SYTL5: variants seen among roughly 807,000 people sequenced by gnomAD.
The protein encoded by SYTL5 is synaptotagmin-like protein 5.
In SYTL5, 34 loss-of-function variants were observed where a neutral mutation model predicts 55.9. The observed-to-expected ratio is 0.61, with a 90% CI of 0.46 to 0.81. SYTL5 has a LOEUF of 0.81. Among genes scored for constraint, SYTL5 ranks in the 30% least tolerant of loss-of-function variants. The pLI, the probability that SYTL5 is intolerant of heterozygous loss-of-function variation, is 0.00. For synonymous variants in SYTL5, 221 were observed against 188.7 expected, an observed-to-expected ratio of 1.17 and a Z score of -1.40; for missense variants, 637 against 546.7, an observed-to-expected ratio of 1.17 and a Z score of -1.65.
the SYTL5 span, among the ~76,000 whole-genome samples, chrX:37,888,993 C>T: frequency 9.1e-6 from 1 of 109,778 alleles, no homozygotes; most frequent in Non-Finnish European, 1.9e-5. Context: ...AACTTTATTG[C>T]AAAAATTGTG....
intron 6 of SYTL5, among the ~76,000 whole-genome samples, chrX:38,087,033 A>G (rs1257511218): frequency 9.0e-6 from 1 of 111,406 alleles, no homozygotes; most frequent in African/African-American, 3.3e-5. Context: ...CTACATAAGT[A>G]GCACTTTTGG....
At chrX:37,920,039 C>T in the SYTL5 span, among the ~76,000 whole-genome samples, 2 of 111,200 alleles carry the variant, frequency 1.8e-5, no homozygotes, top group Non-Finnish European at 3.8e-5. Flanking sequence ...TGAACATTCC[C>T]AACAGTGGAA....
intron 2 of SYTL5, among the ~76,000 whole-genome samples, chrX:38,042,192 A>G (rs1935305062): frequency 9.0e-6 from 1 of 110,592 alleles, no homozygotes; most frequent in Non-Finnish European, 1.9e-5. Context: ...TAGACTATAT[A>G]TAGAAATATA....
upstream of SYTL5, among the ~76,000 whole-genome samples, chrX:38,006,216 C>A (rs927073): frequency 9.5e-3 from 1,062 of 111,622 alleles, 7 homozygotes; most frequent in Middle Eastern, 0.042. Context: ...ATATGTAAAG[C>A]ACTTACAACA....
At chrX:38,050,953 G>A (rs1417848280) in intron 2 of SYTL5, among the ~76,000 whole-genome samples, 2 of 112,350 alleles carry the variant, frequency 1.8e-5, no homozygotes, top group Non-Finnish European at 3.8e-5. Context: ...GTCACATGAT[G>A]ACATCTAATG....
chrX:37,893,273 A>G, the SYTL5 span, among the ~76,000 whole-genome samples: 1 of 97,767 alleles, frequency 1.0e-5, no homozygotes, highest in East Asian at 3.1e-4. Flanking sequence ...CACAATCTAT[A>G]TATGTATATA....
At chrX:37,893,570 C>G in the SYTL5 span, among the ~76,000 whole-genome samples, 2 of 85,574 alleles carry the variant, frequency 2.3e-5, no homozygotes, top group Admixed American at 1.5e-4. Context: ...ATTATATATA[C>G]AATCTATATA....
In SYTL5 at chrX:38,126,874, A is replaced by G. The variant is rs1009895738; in HGVS notation, c.*144A>G. On this transcript the variant is annotated 3_prime_UTR_variant, in exon 17 of 17. Transcript: ENST00000297875. ...ACATGAGGGGAGAGATGTCAGTAGT[A>G]TGAACATTTAGGGTCTTGCTGAGTG... The G allele has an allele frequency of 1.2e-5, 7 of 586,230 alleles. No homozygotes were observed. Among genetic ancestry groups the G allele is most frequent in the Non-Finnish European group, 1.5e-5 (6 of 388,472 alleles). 48.3% of individuals were successfully genotyped at this position (586,230 alleles called of 1,213,427 possible).
the SYTL5 span, among the ~76,000 whole-genome samples, chrX:37,971,765 G>C: frequency 9.1e-6 from 1 of 109,833 alleles, no homozygotes; most frequent in Non-Finnish European, 1.9e-5. Flanking sequence ...CCTATGGAGC[G>C]CCCAGAAGGG....
At chrX:38,109,242 A>T (rs1937297779) in intron 12 of SYTL5, among the ~76,000 whole-genome samples, 1 of 112,266 alleles carries the variant, frequency 8.9e-6, no homozygotes, top group Non-Finnish European at 1.9e-5. Flanking sequence ...CAGGTCAATG[A>T]TCCAGAAAAT....
At chrX:37,958,208 C>CAAA in the SYTL5 span, among the ~76,000 whole-genome samples, 28 of 67,955 alleles carry the variant, frequency 4.1e-4, no homozygotes, top group Admixed American at 3.4e-3. Flanking sequence ...GACTCCATCT[C>CAAA]AAAAAAAAAA....
At chrX:38,016,222 C>T (rs769845266) in intron 1 of SYTL5, among the ~76,000 whole-genome samples, 1 of 112,092 alleles carries the variant, frequency 8.9e-6, no homozygotes, top group East Asian at 2.8e-4. Context: ...TTGATGCATA[C>T]TTATCCACAA....
chrX:38,054,233 T>C lies in SYTL5; in HGVS notation c.140T>C (p.Leu47Ser). Reference sequence around the variant, plus strand: ...TTCAGGAAGCTGAAAAATGAACTCTTAGAAGCAAAACGTAGAAGTGGGAAA... The same window carrying C: ...TTCAGGAAGCTGAAAAATGAACTCTCAGAAGCAAAACGTAGAAGTGGGAAA... ...KRIRKLKNELLEAKRRSGKTQ... is the reference protein window; with the variant it reads ...KRIRKLKNELSEAKRRSGKTQ... Residue 47 changes from leucine (L) to serine (S), a missense_variant, in exon 3 of 17, where the codon TTA (leucine) becomes TCA (serine). Coordinates refer to ENST00000297875, the MANE Select transcript of SYTL5 (RefSeq NM_138780.3). 2 of 1,210,229 alleles carry C rather than the reference T, an allele frequency of 1.7e-6. No individual in the cohort carries two copies. Among genetic ancestry groups the C allele is most frequent in the Non-Finnish European group, 2.2e-6 (2 of 894,710 alleles).
Position 38,073,614 on chromosome X carries a change from A to G in SYTL5, c.470A>G (p.Glu157Gly), listed in dbSNP as rs1936320494. The G allele has an allele frequency of 2.5e-6, 3 of 1,194,005 alleles. No homozygotes were observed. The highest frequency in any genetic ancestry group is 3.5e-5 in the African/African-American group (2 of 57,509). The change falls in exon 5 of 17, where the codon GAG becomes GGG. Residue 157 changes from glutamate (E) to glycine (G), a missense_variant. Coordinates refer to ENST00000297875, the MANE Select transcript of SYTL5 (RefSeq NM_138780.3). Reference protein sequence around the residue: ...SPGAEEVQSQEQTRQDAEKSD... With the variant: ...SPGAEEVQSQGQTRQDAEKSD... ...GGAGCTGAAGAAGTACAGAGCCAAG[A>G]GCAAACCCGCCAGGATGCAGAAAAG...
chrX:37,908,015 G>A, the SYTL5 span, among the ~76,000 whole-genome samples: 1 of 110,211 alleles, frequency 9.1e-6, no homozygotes, highest in Admixed American at 9.6e-5. Context: ...TACACAGGAG[G>A]CTGAGGTGGG....
At chrX:38,008,519 T>C (rs1012909) in intron 1 of SYTL5, among the ~76,000 whole-genome samples, 39,258 of 110,594 alleles carry the variant, frequency 0.35, 5,152 homozygotes, top group Middle Eastern at 0.45. Flanking sequence ...ACCGCTGTGG[T>C]TACCTTAGGT....
chrX:38,041,035 C>A (rs1418265792), intron 2 of SYTL5, among the ~76,000 whole-genome samples: 1 of 111,832 alleles, frequency 8.9e-6, no homozygotes, highest in African/African-American at 3.3e-5. Context: ...CTAAATAAGC[C>A]AGAACTTAAT....
the SYTL5 span, among the ~76,000 whole-genome samples, chrX:37,922,031 A>G: frequency 8.9e-6 from 1 of 112,258 alleles, no homozygotes; most frequent in African/African-American, 3.2e-5. Context: ...TGGAGGAACA[A>G]TAATCCCATT....
intron 1 of SYTL5, among the ~76,000 whole-genome samples, chrX:38,017,320 C>T (rs1934388180): frequency 8.9e-6 from 1 of 111,991 alleles, no homozygotes; most frequent in Non-Finnish European, 1.9e-5. Flanking sequence ...TGTAATATAA[C>T]ACTGGATTAG....
Sources: allele counts gnomAD v4.1 joint callset (sites outside exome capture counted in the v4.1 genomes callset), GRCh38; gene constraint gnomAD v4.1.1; transcripts MANE v1.5; gene names NCBI Gene and HGNC (gene_info 2026-07-23, HGNC 2026-07-21).